Variants in TLL2 observed in about 807,000 individuals in gnomAD.
TLL2 encodes the protein tolloid like 2.
In TLL2, 106 loss-of-function variants were observed where a neutral mutation model predicts 123.0. The observed-to-expected ratio is 0.86, with a 90% CI of 0.74 to 1.01. The LOEUF is 1.01. TLL2 is among the 50% of genes least tolerant of loss of function. The pLI is 0.00. For synonymous variants in TLL2, 494 were observed against 516.8 expected, an observed-to-expected ratio of 0.96 and a Z score of 0.60; for missense variants, 1,332 against 1,336.7, an observed-to-expected ratio of 1.00 and a Z score of 0.06.
At chr10:96,440,014 G>A (rs2134084534) in intron 3 of TLL2, among the ~76,000 whole-genome samples, 1 of 152,334 alleles carries the variant, frequency 6.6e-6, no homozygotes, top group South Asian at 2.1e-4. Flanking sequence ...AGTACAACCA[G>A]CTGGAGTTTA....
intron 2 of TLL2, among the ~76,000 whole-genome samples, chr10:96,470,801 C>T (rs1296056226): frequency 6.6e-6 from 1 of 152,170 alleles, no homozygotes; most frequent in Non-Finnish European, 1.5e-5. Context: ...ATAGTACCTA[C>T]CACATAGAAC....
intron 1 of TLL2, among the ~76,000 whole-genome samples, chr10:96,495,690 G>A (rs78243537): frequency 6.6e-6 from 1 of 152,226 alleles, no homozygotes; most frequent in Non-Finnish European, 1.5e-5. Context: ...CAGGAGGGGA[G>A]AGGTTCGGGC....
At chr10:96,396,581 CTT>C (rs1177349566) in intron 11 of TLL2, among the ~76,000 whole-genome samples, 17 of 125,362 alleles carry the variant, frequency 1.4e-4, no homozygotes, top group African/African-American at 1.5e-4. Context: ...TTTCCCCTTT[CTT>C]TTTTTTTTTT....
chr10:96,389,503 T>C (rs1160858042), intron 13 of TLL2, among the ~76,000 whole-genome samples: 1 of 151,962 alleles, frequency 6.6e-6, no homozygotes, highest in Non-Finnish European at 1.5e-5. Flanking sequence ...GGAAAATGCT[T>C]CAAGGATGGG....
At chr10:96,375,840 G>C (rs1346785401) in intron 18 of TLL2, among the ~76,000 whole-genome samples, 3 of 152,184 alleles carry the variant, frequency 2.0e-5, no homozygotes, top group Non-Finnish European at 4.4e-5. Flanking sequence ...ACAGTTCATA[G>C]GGTCAATCCT....
intron 1 of TLL2, among the ~76,000 whole-genome samples, chr10:96,501,598 T>C (rs973873568): frequency 6.6e-6 from 1 of 152,258 alleles, no homozygotes; most frequent in African/African-American, 2.4e-5. Context: ...ATCCTGTCAT[T>C]ACCATTCTGC....
In TLL2 at chr10:96,405,319, T is replaced by C. The variant is rs771674271; in HGVS notation, c.1180A>G (p.Thr394Ala). Residue 394 changes from threonine (T) to alanine (A), a missense_variant, in exon 10 of 21, where the codon ACA becomes GCA. Physicochemically the swap from Thr to Ala is moderately conservative, Grantham distance 58 (BLOSUM62 0). Transcript: ENST00000357947. ...TPGEKIVLNF[T>A]SMDLFKSRLC... The stretch of plus-strand genomic sequence containing the variant: ...CGGCTTTTAAACAAATCCATGGATG[T>C]GAAGTTTAATACGATCTGTAAAGAA... 1 of 1,614,154 alleles carries C rather than the reference T, an allele frequency of 6.2e-7. No homozygotes were observed. The highest frequency in any genetic ancestry group is 1.7e-5 in the Admixed American group (1 of 60,028).
intron 2 of TLL2, among the ~76,000 whole-genome samples, chr10:96,458,244 C>T (rs1406282580): frequency 1.3e-5 from 2 of 152,134 alleles, no homozygotes; most frequent in Non-Finnish European, 2.9e-5. Context: ...GAAAGCCTTC[C>T]TCTACTCTCA....
chr10:96,500,728 G>T (rs1046792869), intron 1 of TLL2, among the ~76,000 whole-genome samples: 7 of 144,420 alleles, frequency 4.8e-5, no homozygotes, highest in Non-Finnish European at 9.1e-5. Context: ...GGAGGCTGCA[G>T]TGAGTAGTAG....
chr10:96,434,737 T>C (rs1345885571), intron 3 of TLL2, among the ~76,000 whole-genome samples: 2 of 152,222 alleles, frequency 1.3e-5, no homozygotes, highest in Non-Finnish European at 1.5e-5. Flanking sequence ...GGTAACTCTA[T>C]GTTGAACCTT....
intron 13 of TLL2, among the ~76,000 whole-genome samples, chr10:96,390,377 TG>T (rs377757860): frequency 3.3e-5 from 5 of 152,338 alleles, no homozygotes; most frequent in East Asian, 3.9e-4. Context: ...ATTCTTTATG[TG>T]GGGGGCATAG....
chr10:96,507,297 T>C (rs1203841990), intron 1 of TLL2, among the ~76,000 whole-genome samples: 1 of 151,990 alleles, frequency 6.6e-6, no homozygotes, highest in South Asian at 2.1e-4. Flanking sequence ...ATGAGCTGCC[T>C]CCCCCCAGCT....
At chr10:96,491,382 CA>C (rs56077935) in intron 1 of TLL2, among the ~76,000 whole-genome samples, 64,807 of 128,962 alleles carry the variant, frequency 0.5, 16,158 homozygotes, top group Non-Finnish European at 0.58. Context: ...AACTCTGTCT[CA>C]AAAAAAAAAA....
chr10:96,431,168 G>T (rs1428414803), intron 4 of TLL2, among the ~76,000 whole-genome samples: 1 of 152,156 alleles, frequency 6.6e-6, no homozygotes, highest in East Asian at 1.9e-4. Context: ...AGGAACAAAA[G>T]TCTGTAGTGG....
chr10:96,410,426 C>A lies in TLL2; in HGVS notation c.1097G>T (p.Gly366Val). The change falls in exon 9 of 21, where the codon GGT (glycine) becomes GTT (valine). Residue 366 changes from glycine to valine, a missense_variant. Coordinates refer to ENST00000357947, the MANE Select transcript of TLL2 (RefSeq NM_012465.4). ...GTAAGATGGGTACCCATTTGGGAAACCAGGTGCAGAAAAGTTTCCCGTTGT... is the reference window on the plus strand; with the variant it reads ...GTAAGATGGGTACCCATTTGGGAAAACAGGTGCAGAAAAGTTTCCCGTTGT... ...QDTTGNFSAP[G>V]FPNGYPSYSH... 1 of 1,614,112 alleles carries A rather than the reference C, an allele frequency of 6.2e-7. No homozygotes were observed. The highest frequency in any genetic ancestry group is 8.5e-7 in the Non-Finnish European group (1 of 1,180,026).
chr10:96,415,074 C>T (rs556061224), intron 7 of TLL2, among the ~76,000 whole-genome samples: 6 of 152,312 alleles, frequency 3.9e-5, no homozygotes, highest in East Asian at 1.9e-4. Flanking sequence ...AGGGGAGGCA[C>T]GTGCCTTTTT....
At chr10:96,439,608 C>G (rs575447432) in intron 3 of TLL2, among the ~76,000 whole-genome samples, 3 of 152,274 alleles carry the variant, frequency 2.0e-5, no homozygotes, top group Admixed American at 2.0e-4. Flanking sequence ...CCTTTCTTTC[C>G]TTTGAACTCA....
chr10:96,473,398 TC>T (rs1847204013), intron 2 of TLL2, among the ~76,000 whole-genome samples: 1 of 152,002 alleles, frequency 6.6e-6, no homozygotes, highest in Admixed American at 6.5e-5. Context: ...GCCACTGCAT[TC>T]CAGCCTGGGC....
intron 2 of TLL2, among the ~76,000 whole-genome samples, chr10:96,461,998 G>T (rs1847085587): frequency 6.6e-6 from 1 of 152,266 alleles, no homozygotes; most frequent in Non-Finnish European, 1.5e-5. Context: ...GGTGTTCACA[G>T]CAGACGCTTA....
Sources: gnomAD v4.1 joint callset for allele counts (sites outside exome capture counted in the v4.1 genomes callset) on GRCh38, gnomAD v4.1.1 for gene constraint, MANE v1.5 for transcripts, NCBI Gene and HGNC (gene_info 2026-07-23, HGNC 2026-07-21) for gene names.